ALS2: variants seen among roughly 807,000 people sequenced by gnomAD.
ALS2 encodes the protein alsin Rho guanine nucleotide exchange factor ALS2.
Under a neutral mutation model 203.4 loss-of-function variants are expected in ALS2, and 117 were observed. The observed-to-expected ratio is 0.58, with a 90% CI of 0.50 to 0.67. The LOEUF (loss-of-function observed/expected upper bound fraction) is 0.67. Among genes scored for constraint, ALS2 ranks in the 30% least tolerant of loss-of-function variants. ALS2 has a pLI of 0.00. For missense variants in ALS2, 1,715 were observed against 1,989.4 expected (o/e 0.86, Z 2.62); for synonymous variants, 718 against 725.9 (o/e 0.99, Z 0.17).
Position 201,708,009 on chromosome 2 carries a change from ATATAAT to A in ALS2, c.4281-24_4281-19del. The A allele has an allele frequency of 6.2e-7, 1 of 1,606,410 alleles. No homozygotes were observed. Among genetic ancestry groups the A allele is most frequent in the Non-Finnish European group, 8.5e-7 (1 of 1,174,860 alleles). Reference sequence around the variant, plus strand: ...ATAAGAACCTAAGGAAGAATAAAAAATATAATTATACAATTATACCTCTAGGGGGGT... The same window carrying A: ...ATAAGAACCTAAGGAAGAATAAAAAATATACAATTATACCTCTAGGGGGGT... On this transcript the variant is annotated intron_variant, in intron 27 of 33. Coordinates refer to ENST00000264276, the MANE Select transcript of ALS2 (RefSeq NM_020919.4).
At chr2:201,758,757 C>T (rs991203289) in intron 4 of ALS2, among the ~76,000 whole-genome samples, 3 of 72,698 alleles carry the variant, frequency 4.1e-5, no homozygotes, top group Non-Finnish European at 9.5e-5. Context: ...TGTGTGTGTG[C>T]GCATGTGTGT....
intron 9 of ALS2, among the ~76,000 whole-genome samples, 192 bp from the exon 10 acceptor site, chr2:201,744,621 G>T (rs903783188): frequency 1.3e-5 from 2 of 151,666 alleles, no homozygotes; most frequent in African/African-American, 4.8e-5. Flanking sequence ...ACAGACTAGG[G>T]TTTTTTTTGG....
intron 13 of ALS2, among the ~76,000 whole-genome samples, chr2:201,730,601 T>C (rs1164370009): frequency 6.6e-6 from 1 of 151,696 alleles, no homozygotes; most frequent in Non-Finnish European, 1.5e-5. Flanking sequence ...ATCTGAAAAA[T>C]CAGTTTATCT....
chr2:201,716,253 C>CA (rs1029731905), intron 24 of ALS2, among the ~76,000 whole-genome samples: 5 of 151,750 alleles, frequency 3.3e-5, no homozygotes, highest in Non-Finnish European at 7.4e-5. Context: ...ACTAAAAACA[C>CA]AAAAAATTGG....
chr2:201,758,909 G>A (rs1396374335), intron 4 of ALS2, among the ~76,000 whole-genome samples: 1 of 152,070 alleles, frequency 6.6e-6, no homozygotes, highest in East Asian at 1.9e-4. Context: ...ATTCAAAAGA[G>A]CTATTTCCAT....
At chr2:201,742,510 C>A (rs1692345153) in intron 10 of ALS2, among the ~76,000 whole-genome samples, 1 of 152,194 alleles carries the variant, frequency 6.6e-6, no homozygotes, top group Non-Finnish European at 1.5e-5. Flanking sequence ...AAGAAATCAG[C>A]AACCAGGACA....
At chr2:201,739,697 C>T (rs549562113) in intron 11 of ALS2, among the ~76,000 whole-genome samples, 9 of 150,054 alleles carry the variant, frequency 6.0e-5, no homozygotes, top group African/African-American at 2.0e-4. Flanking sequence ...GAGCCAAGAC[C>T]GTGCCATTGC....
intron 12 of ALS2, among the ~76,000 whole-genome samples, chr2:201,737,290 G>C (rs1047009869): frequency 6.6e-6 from 1 of 152,062 alleles, no homozygotes; most frequent in African/African-American, 2.4e-5. Flanking sequence ...TTTATATCAG[G>C]GACTTGAACA....
At chr2:201,739,603 C>T (rs1166015582) in intron 11 of ALS2, among the ~76,000 whole-genome samples, 7 of 151,932 alleles carry the variant, frequency 4.6e-5, no homozygotes, top group East Asian at 3.9e-4. Context: ...ATTAGCTGGG[C>T]GCGGTGGCGG....
chr2:201,713,237 A>C (rs1690160327), intron 25 of ALS2, among the ~76,000 whole-genome samples: 1 of 141,340 alleles, frequency 7.1e-6, no homozygotes, highest in Non-Finnish European at 1.5e-5. Flanking sequence ...TCCGAGTTCC[A>C]GCGATTCTCC....
chr2:201,711,007 CTGA>C lies in ALS2; in HGVS notation c.4103_4105del (p.Ile1368del). 1 of 1,601,040 alleles carries C rather than the reference CTGA, an allele frequency of 6.2e-7. No individual in the cohort carries two copies. Among genetic ancestry groups the C allele is most frequent in the East Asian group, 2.2e-5 (1 of 44,768 alleles). On this transcript the variant is annotated inframe_deletion, in exon 26 of 34. Coordinates refer to ENST00000264276, the MANE Select transcript of ALS2 (RefSeq NM_020919.4). ...CTAGTTTACCTTTATTAAATATTTC[CTGA>C]TGTCATCATATTTCTCCACAGAGAA...
chr2:201,753,280 T>C, intron 6 of ALS2, 38 bp from the exon 7 acceptor site: 1 of 1,537,126 alleles, frequency 6.5e-7, no homozygotes, highest in Non-Finnish European at 9.0e-7. Flanking sequence ...AGTCAAAGTA[T>C]TCTCAGCAAG....
chr2:201,779,709 T>A (rs571187425), intron 1 of ALS2, among the ~76,000 whole-genome samples: 1 of 152,176 alleles, frequency 6.6e-6, no homozygotes, highest in Admixed American at 6.5e-5. Flanking sequence ...TTATCCCCAA[T>A]TTAGAGACAA....
At chr2:201,740,339 T>G (rs989255254) in intron 11 of ALS2, among the ~76,000 whole-genome samples, 1 of 152,166 alleles carries the variant, frequency 6.6e-6, no homozygotes, top group Admixed American at 6.5e-5. Flanking sequence ...TTTTAAAGAT[T>G]CATACATAAA....
At chr2:201,747,797 A>G (rs1045612581) in intron 8 of ALS2, among the ~76,000 whole-genome samples, 1 of 152,150 alleles carries the variant, frequency 6.6e-6, no homozygotes, top group Non-Finnish European at 1.5e-5. Flanking sequence ...GATGTATGCA[A>G]AAGTTTGAGA....
chr2:201,725,052 G>A (rs891290177), intron 20 of ALS2, among the ~76,000 whole-genome samples: 3 of 151,242 alleles, frequency 2.0e-5, no homozygotes, highest in African/African-American at 4.9e-5. Context: ...GGCAGAGCTT[G>A]CAGTGAGCCA....
rs770990657 is a variant in ALS2 at position 201,725,430 on chromosome 2, G to A, written c.3273C>T (p.Asn1091=). The change falls in exon 20 of 34, where the codon AAC becomes AAT. Residue 1091 remains asparagine, a synonymous_variant. Transcript: ENST00000264276. ...EDGYGEYRIP[N]KAMNKEDHYV... ...AATGGTCTTCTTTGTTCATTGCCTT[G>A]TTTGGGATTCTGTATTCTCCATACC... The A allele has an allele frequency of 3.1e-6, 5 of 1,613,858 alleles. No individual in the cohort carries two copies. Among genetic ancestry groups the A allele is most frequent in the Non-Finnish European group, 4.2e-6 (5 of 1,179,924 alleles).
rs143351645 is a variant in ALS2 at position 201,710,652 on chromosome 2, C to T, written c.4122+339G>A. Among the ~76,000 whole-genome samples the T allele has an allele frequency of 4.4e-3, 667 of 152,162 alleles. 3 individuals carry two copies. The highest frequency in any genetic ancestry group is 6.0e-3 in the Admixed American group (91 of 15,290). ...AATTGTAGCTGGTCTTACAAGTTTTCGAAGGAAGCAAAGACCCTCTCCAGG... is the reference window on the plus strand; with the variant it reads ...AATTGTAGCTGGTCTTACAAGTTTTTGAAGGAAGCAAAGACCCTCTCCAGG... On this transcript the variant is annotated intron_variant, in intron 26 of 33. Transcript: ENST00000264276.
intron 5 of ALS2, among the ~76,000 whole-genome samples, chr2:201,755,224 C>T (rs1559077279): frequency 6.6e-6 from 1 of 152,084 alleles, no homozygotes; most frequent in Non-Finnish European, 1.5e-5. Context: ...TCTGTGAATA[C>T]CCACTGCACT....
Sources: gnomAD v4.1 joint callset for allele counts (sites outside exome capture counted in the v4.1 genomes callset) on GRCh38, gnomAD v4.1.1 for gene constraint, MANE v1.5 for transcripts, NCBI Gene and HGNC (gene_info 2026-07-23, HGNC 2026-07-21) for gene names.